Variants in SCARA5 observed in about 807,000 individuals in gnomAD.
SCARA5 encodes scavenger receptor class A, member 5 (putative).
Under a neutral mutation model 46.3 loss-of-function variants are expected in SCARA5, and 45 were observed. The observed-to-expected ratio is 0.97, with a 90% CI of 0.76 to 1.24. The LOEUF is 1.24. SCARA5 is among the 50% of genes most tolerant of loss of function. SCARA5 has a pLI of 0.00. For missense variants in SCARA5, 680 were observed against 689.0 expected (o/e 0.99, Z 0.15); for synonymous variants, 333 against 306.5 (o/e 1.09, Z -0.90).
chr8:27,974,259 G>A (rs1485233298), intron 2 of SCARA5, among the ~76,000 whole-genome samples: 1 of 152,182 alleles, frequency 6.6e-6, no homozygotes, highest in African/African-American at 2.4e-5. Context: ...TGAGAACCAT[G>A]AGCGAGTATT....
At chr8:27,888,264 TA>T (rs1329973273) in intron 7 of SCARA5, among the ~76,000 whole-genome samples, 1 of 152,172 alleles carries the variant, frequency 6.6e-6, no homozygotes, top group East Asian at 1.9e-4. Flanking sequence ...TGCCACAGAA[TA>T]AAGGAAAATT....
At chr8:27,950,879 GAA>G (rs766482225) in intron 3 of SCARA5, among the ~76,000 whole-genome samples, 4 of 140,988 alleles carry the variant, frequency 2.8e-5, no homozygotes, top group African/African-American at 5.2e-5. Context: ...AGCTTTATGG[GAA>G]AAAAAAAAAA....
At chr8:27,959,306 A>G (rs148593548) in intron 3 of SCARA5, among the ~76,000 whole-genome samples, 1 of 152,172 alleles carries the variant, frequency 6.6e-6, no homozygotes, top group Non-Finnish European at 1.5e-5. Flanking sequence ...ACAGCCTGGC[A>G]CACTCCCCCC....
intron 7 of SCARA5, among the ~76,000 whole-genome samples, chr8:27,883,240 A>G (rs925831748): frequency 1.3e-5 from 2 of 152,234 alleles, no homozygotes; most frequent in African/African-American, 4.8e-5. Context: ...TGGGGACCCA[A>G]AGAACACCAG....
At chr8:27,971,438 G>A (rs1352113681) in intron 2 of SCARA5, among the ~76,000 whole-genome samples, 1 of 152,200 alleles carries the variant, frequency 6.6e-6, no homozygotes, top group Non-Finnish European at 1.5e-5. Flanking sequence ...ACTTTAAGGA[G>A]CAAACAGTCT....
chr8:27,958,271 G>T (rs762723438), intron 3 of SCARA5, among the ~76,000 whole-genome samples: 6 of 152,226 alleles, frequency 3.9e-5, no homozygotes, highest in Non-Finnish European at 8.8e-5. Context: ...GAAACTCAGG[G>T]TGTCAACTGG....
chr8:27,963,279 C>T (rs1420329996), intron 3 of SCARA5, among the ~76,000 whole-genome samples: 2 of 152,194 alleles, frequency 1.3e-5, no homozygotes, highest in Non-Finnish European at 1.5e-5. Context: ...GGATTGAGGA[C>T]CCCCTGGCCA....
At chr8:27,889,895 C>T (rs1806955221) in intron 7 of SCARA5, among the ~76,000 whole-genome samples, 1 of 152,200 alleles carries the variant, frequency 6.6e-6, no homozygotes, top group African/African-American at 2.4e-5. Context: ...GGTGATTCTA[C>T]TTCCCGTGCA....
intron 2 of SCARA5, among the ~76,000 whole-genome samples, chr8:27,973,938 C>T (rs78885255): frequency 0.016 from 2,471 of 152,188 alleles, 27 homozygotes; most frequent in African/African-American, 0.028. Context: ...CTCCTAAAAC[C>T]GGGAGCAAGA....
intron 3 of SCARA5, among the ~76,000 whole-genome samples, chr8:27,958,475 C>A (rs1225153864): frequency 1.3e-5 from 2 of 152,188 alleles, no homozygotes; most frequent in East Asian, 3.9e-4. Flanking sequence ...CCCTGACTCA[C>A]CTCCCAGGAT....
At chr8:27,946,509 C>CT (rs2129885854) in intron 3 of SCARA5, among the ~76,000 whole-genome samples, 1 of 152,324 alleles carries the variant, frequency 6.6e-6, no homozygotes, top group South Asian at 2.1e-4. Context: ...GCCCTGTTAG[C>CT]ACCTTGATCT....
rs199779251 is a variant in SCARA5 at position 27,957,993 on chromosome 8, TGAGC to T, written c.241+8417_241+8420del. ...AGCAGCCAAGCAGTACACAAATGGA[TGAGC>T]GTGTCTGTGTTCCAGTAAAACTTTA... On this transcript the variant is annotated intron_variant, in intron 3 of 8. Coordinates refer to ENST00000354914, the MANE Select transcript of SCARA5 (RefSeq NM_173833.6). Among the ~76,000 whole-genome samples the T allele has an allele frequency of 9.3e-3, 1,420 of 152,306 alleles. 25 individuals carry two copies. Among genetic ancestry groups the T allele is most frequent in the African/African-American group, 0.032 (1,333 of 41,558 alleles).
Position 27,922,215 on chromosome 8 carries a change from A to G in SCARA5, c.272T>C (p.Leu91Pro). ...GTTCACATTGCGAGTCAGGGCCTTCAGGTCGTCAGGGGAGCTGCGCGGCCT... is the reference window on the plus strand; with the variant it reads ...GTTCACATTGCGAGTCAGGGCCTTCGGGTCGTCAGGGGAGCTGCGCGGCCT... ...VSRPRSSPDD[L>P]KALTRNVNRL... The change falls in exon 4 of 9, where the codon CTG becomes CCG. Residue 91 changes from leucine (L) to proline (P), a missense_variant. Physicochemically the swap from Leu to Pro is moderately conservative, Grantham distance 98. This residue lies in a region of SCARA5 where 438 missense variants were observed against 384.5 expected (regional missense o/e 1.14). Coordinates refer to ENST00000354914, the MANE Select transcript of SCARA5 (RefSeq NM_173833.6). 6.3e-7 allele frequency: 1 copy of G among 1,584,674 alleles called. No individual in the cohort carries two copies. Among genetic ancestry groups the G allele is most frequent in the South Asian group, 1.2e-5 (1 of 86,554 alleles).
At chr8:27,941,393 G>T (rs538880772) in intron 3 of SCARA5, among the ~76,000 whole-genome samples, 5 of 152,288 alleles carry the variant, frequency 3.3e-5, no homozygotes, top group African/African-American at 1.2e-4. Context: ...TTGTCTTTCT[G>T]AGTCTCTCAC....
intron 8 of SCARA5, among the ~76,000 whole-genome samples, chr8:27,872,769 C>T (rs1301070679): frequency 3.9e-5 from 6 of 152,204 alleles, no homozygotes; most frequent in Admixed American, 3.9e-4. Flanking sequence ...ATTAGTCACA[C>T]CCAAAGCAAA....
intron 3 of SCARA5, among the ~76,000 whole-genome samples, chr8:27,933,753 T>C (rs1221987895): frequency 1.3e-5 from 2 of 152,200 alleles, no homozygotes; most frequent in African/African-American, 4.8e-5. Flanking sequence ...TTTCTCTGTT[T>C]ATTTATCATG....
intron 3 of SCARA5, among the ~76,000 whole-genome samples, chr8:27,933,748 CTGTT>C (rs1563530919): frequency 3.9e-5 from 6 of 152,084 alleles, no homozygotes; most frequent in Non-Finnish European, 8.8e-5. Flanking sequence ...AAACCTTTCT[CTGTT>C]TATTTATCAT....
rs1486492091 is a variant in SCARA5, at chr8:27,992,401, G to A, written c.-160C>T. Reference sequence around the variant, plus strand: ...CCACAGCCAGCCAAATCCAGATGGAGTCATAGAAAGGGGCTGCAGGGGCGC... The same window carrying A: ...CCACAGCCAGCCAAATCCAGATGGAATCATAGAAAGGGGCTGCAGGGGCGC... On this transcript the variant is annotated 5_prime_UTR_variant, in exon 1 of 9. Transcript: ENST00000354914. 3 of 152,370 alleles carry A rather than the reference G, an allele frequency of 2.0e-5. No homozygotes were observed. The highest frequency in any genetic ancestry group is 7.2e-5 in the African/African-American group (3 of 41,470). The allele number at this position is 152,370 out of a possible 1,614,324, so 9.4% of individuals were successfully genotyped here. A position where few individuals can be genotyped will look rare whatever the true frequency, so the allele number is the denominator to read the frequency against.
At chr8:27,877,570 C>T (rs1490990149) in intron 8 of SCARA5, among the ~76,000 whole-genome samples, 5 of 151,816 alleles carry the variant, frequency 3.3e-5, no homozygotes, top group African/African-American at 4.9e-5. Context: ...TTTTTTTTCT[C>T]AAAAGGTTTT....
Sources: gnomAD v4.1 joint callset for allele counts (sites outside exome capture counted in the v4.1 genomes callset) on GRCh38, gnomAD v4.1.1 for gene constraint, gnomAD v4.1.1 regional missense constraint, MANE v1.5 for transcripts, NCBI Gene and HGNC (gene_info 2026-07-23, HGNC 2026-07-21) for gene names.